Variants in CXCL17 observed in about 807,000 individuals in gnomAD.
CXCL17 encodes C-X-C motif chemokine 17.
Under a neutral mutation model 15.5 loss-of-function variants are expected in CXCL17, and 9 were observed. The ratio of observed to expected loss-of-function variants is 0.58; its 90% CI spans 0.35 to 1.01. The LOEUF is 1.01. Among genes scored for constraint, CXCL17 ranks in the 50% least tolerant of loss-of-function variants. The probability of loss-of-function intolerance (pLI) is 0.02; values close to 1 mark genes in which losing one functional copy is unlikely to be tolerated. For missense variants in CXCL17, 133 were observed against 138.2 expected (o/e 0.96, Z 0.19); for synonymous variants, 52 against 52.3 (o/e 0.99, Z 0.02).
chr19:42,435,587 A>G (rs912588896), intron 1 of CXCL17, among the ~76,000 whole-genome samples: 1 of 151,996 alleles, frequency 6.6e-6, no homozygotes, highest in East Asian at 1.9e-4. Flanking sequence ...AATCTCAGCA[A>G]TTTGGGAGGC....
At chr19:42,435,035 C>A (rs1399667598) in intron 1 of CXCL17, among the ~76,000 whole-genome samples, 6 of 151,498 alleles carry the variant, frequency 4.0e-5, no homozygotes, top group Admixed American at 2.0e-4. Context: ...AAAAATTAGG[C>A]GGGCGTGGTG....
At chr19:42,430,857 A>G (rs2040772847) in intron 3 of CXCL17, among the ~76,000 whole-genome samples, 1 of 151,504 alleles carries the variant, frequency 6.6e-6, no homozygotes, top group Non-Finnish European at 1.5e-5. Context: ...TTTGTTTTTG[A>G]GATGGAGTCT....
intron 1 of CXCL17, among the ~76,000 whole-genome samples, chr19:42,439,178 C>T (rs997754169): frequency 2.0e-5 from 3 of 149,538 alleles, no homozygotes; most frequent in African/African-American, 4.9e-5. Flanking sequence ...CGCTTGAGCC[C>T]AGAAGGTGGA....
chr19:42,431,088 C>T (rs1373237176), intron 3 of CXCL17, among the ~76,000 whole-genome samples: 2 of 152,254 alleles, frequency 1.3e-5, no homozygotes, highest in Non-Finnish European at 2.9e-5. Flanking sequence ...GATCCCCCTG[C>T]CTTGGCCTCC....
At position 42,434,551 on chromosome 19, in the gene CXCL17, C is replaced by T. The variant is rs184428220; in HGVS notation, c.80-695G>A. On this transcript the variant is annotated intron_variant, in intron 1 of 3. Transcript: ENST00000601181. ...TTGGTTGGTCCTCCCATCTCAGCCT[C>T]CTGGGTAGCTGAGGCTTCAGGCATG... is the stretch of plus-strand genomic sequence containing the variant. Among the ~76,000 whole-genome samples, 805 of 152,240 alleles carry T rather than the reference C, an allele frequency of 5.3e-3. 5 individuals carry two copies. Among genetic ancestry groups the T allele is most frequent in the Non-Finnish European group, 8.7e-3 (593 of 68,020 alleles).
intron 3 of CXCL17, among the ~76,000 whole-genome samples, 162 bp from the exon 4 acceptor site, chr19:42,429,143 T>G (rs1180289230): frequency 1.3e-5 from 2 of 151,968 alleles, no homozygotes; most frequent in Non-Finnish European, 2.9e-5. Flanking sequence ...TTCTCCTGCC[T>G]CAGCCTCCCA....
intron 1 of CXCL17, among the ~76,000 whole-genome samples, chr19:42,441,979 G>A (rs1400383854): frequency 6.6e-6 from 1 of 152,066 alleles, no homozygotes; most frequent in East Asian, 1.9e-4. Context: ...AAGACATGTT[G>A]GTGGCATTCC....
At chr19:42,440,731 C>T (rs1281640356) in intron 1 of CXCL17, among the ~76,000 whole-genome samples, 1 of 152,164 alleles carries the variant, frequency 6.6e-6, no homozygotes, top group Non-Finnish European at 1.5e-5. Flanking sequence ...AAGTGTGTGG[C>T]AGAGCCAGGA....
intron 3 of CXCL17, among the ~76,000 whole-genome samples, chr19:42,432,069 T>C (rs1451788688): frequency 6.6e-6 from 1 of 152,016 alleles, no homozygotes; most frequent in Non-Finnish European, 1.5e-5. Flanking sequence ...CCGTCAATAG[T>C]GTATAAGGAT....
At chr19:42,441,263 C>T (rs1212879650) in intron 1 of CXCL17, among the ~76,000 whole-genome samples, 2 of 152,124 alleles carry the variant, frequency 1.3e-5, no homozygotes, top group Non-Finnish European at 2.9e-5. Context: ...AAGAGAGTGT[C>T]CAGCAGGGCT....
rs1237323033 is a variant in CXCL17, at chr19:42,428,971, C to G, written c.273G>C (p.Arg91Ser). Residue 91 changes from arginine (R) to serine (S), a missense_variant, in exon 4 of 4, where the codon AGG becomes AGC. Physicochemically the swap from Arg to Ser is moderately radical, Grantham distance 110. Transcript: ENST00000601181. ...AATGCTTGTTTGGCTTTCTGTGGTG[C>G]CTTTGGTGTCCTAGGGTGCAAATAA... is the stretch of plus-strand genomic sequence containing the variant. Reference protein sequence around the residue: ...KGNVKKTRHQRHHRKPNKHSR... With the variant: ...KGNVKKTRHQSHHRKPNKHSR... The G allele has an allele frequency of 6.2e-7, 1 of 1,613,642 alleles. No homozygotes were observed. The highest frequency in any genetic ancestry group is 8.5e-7 in the Non-Finnish European group (1 of 1,179,664).
chr19:42,434,683 G>T (rs1444964863), intron 1 of CXCL17, among the ~76,000 whole-genome samples: 1 of 151,992 alleles, frequency 6.6e-6, no homozygotes, highest in African/African-American at 2.4e-5. Context: ...GCCTGTCTTG[G>T]CCTCCCAAAG....
Position 42,442,171 on chromosome 19 carries a change from G to A in CXCL17, c.79+583C>T, listed in dbSNP as rs538257671. Among the ~76,000 whole-genome samples, 10 of 151,272 alleles carry A rather than the reference G, an allele frequency of 6.6e-5. No individual in the cohort carries two copies. The East Asian group carries it at 9.7e-4, about 15-fold the overall frequency. On this transcript the variant is annotated intron_variant, in intron 1 of 3. Coordinates refer to ENST00000601181, the MANE Select transcript of CXCL17 (RefSeq NM_198477.3). ...GTTGAGCTAGTATATACATACATAC[G>A]TACGTGTGTGTGAGGGGGATCAGCT...
At chr19:42,441,268 A>G (rs1348324850) in intron 1 of CXCL17, among the ~76,000 whole-genome samples, 1 of 152,178 alleles carries the variant, frequency 6.6e-6, no homozygotes, top group Non-Finnish European at 1.5e-5. Context: ...AGTGTCCAGC[A>G]GGGCTAAGCC....
chr19:42,442,556 A>G (rs1028839648), intron 1 of CXCL17, among the ~76,000 whole-genome samples, 198 bp downstream of exon 1: 1 of 151,954 alleles, frequency 6.6e-6, no homozygotes, highest in African/African-American at 2.4e-5. Flanking sequence ...TTTCACATAC[A>G]ATATCTCGTT....
At position 42,428,711 on chromosome 19, in the gene CXCL17, A is replaced by G. The variant is rs1051623571; in HGVS notation, c.*173T>C. On this transcript the variant is annotated 3_prime_UTR_variant, in exon 4 of 4. Transcript: ENST00000601181. ...AAGACTGACGAGAGAAGAAGACACT[A>G]GAGAGAGCAACAAACAAAATGATCT... 5 of 651,564 alleles carry G rather than the reference A, an allele frequency of 7.7e-6. No individual in the cohort carries two copies. Among genetic ancestry groups the G allele is most frequent in the African/African-American group, 1.8e-5 (1 of 55,470 alleles). The allele number at this position is 651,564 out of a possible 1,614,324, so 40.4% of individuals were successfully genotyped here.
At chr19:42,432,449 A>G (rs1036475444) in intron 3 of CXCL17, among the ~76,000 whole-genome samples, 2 of 152,032 alleles carry the variant, frequency 1.3e-5, no homozygotes, top group Non-Finnish European at 2.9e-5. Flanking sequence ...CCGGCTGCCA[A>G]TTTACTTTTT....
At chr19:42,438,609 G>A (rs1281759915) in intron 1 of CXCL17, among the ~76,000 whole-genome samples, 3 of 151,760 alleles carry the variant, frequency 2.0e-5, no homozygotes, top group South Asian at 4.2e-4. Context: ...CCACTAGAGG[G>A]CCTAGAAGCA....
chr19:42,432,900 A>G (rs187065310), intron 3 of CXCL17, 76 bp downstream of exon 3: 31 of 1,086,894 alleles, frequency 2.9e-5, no homozygotes, highest in East Asian at 4.9e-5. Flanking sequence ...TCTTTTTTCT[A>G]TTCTCAACGT....
Sources: allele counts gnomAD v4.1 joint callset (sites outside exome capture counted in the v4.1 genomes callset), GRCh38; gene constraint gnomAD v4.1.1; transcripts MANE v1.5; gene names NCBI Gene and HGNC (gene_info 2026-07-23, HGNC 2026-07-21).